Variants in ADGRB3 observed in about 807,000 individuals in gnomAD.
The protein encoded by ADGRB3 is brain-specific angiogenesis inhibitor 3.
ADGRB3 carries 37 observed loss-of-function variants against 193.4 expected under a neutral mutation model. That is an observed-to-expected ratio of 0.19 (90% CI 0.15 to 0.25). The LOEUF is 0.25. Ranked by LOEUF, ADGRB3 falls within the 10% of genes least tolerant of loss-of-function variation. ADGRB3 has a pLI of 1.00. For synonymous variants in ADGRB3, 690 were observed against 644.2 expected (o/e 1.07, Z -1.08); for missense variants, 1,637 against 1,852.9 (o/e 0.88, Z 2.14).
At chr6:69,204,625 G>A (rs1228193197) in intron 17 of ADGRB3, among the ~76,000 whole-genome samples, 1 of 152,132 alleles carries the variant, frequency 6.6e-6, no homozygotes, top group Non-Finnish European at 1.5e-5. Flanking sequence ...AATACATGAA[G>A]AGCTGGGTTC....
chr6:68,740,892 G>A (rs1311068937), intron 3 of ADGRB3, among the ~76,000 whole-genome samples: 1 of 152,152 alleles, frequency 6.6e-6, no homozygotes, highest in East Asian at 1.9e-4. Context: ...ATAGTTAAGT[G>A]TTGATAGGCC....
intron 17 of ADGRB3, among the ~76,000 whole-genome samples, chr6:69,122,469 A>T (rs1305282853): frequency 4.4e-5 from 1 of 22,778 alleles, no homozygotes; most frequent in Non-Finnish European, 8.0e-5. Context: ...GGAGAGGGAG[A>T]GGGGGAGGGG....
At chr6:69,148,903 G>A (rs1378260389) in intron 17 of ADGRB3, among the ~76,000 whole-genome samples, 1 of 152,132 alleles carries the variant, frequency 6.6e-6, no homozygotes, top group African/African-American at 2.4e-5. Context: ...TCTTTTGCCA[G>A]ACATATTGGA....
At chr6:69,162,240 T>C (rs1383176464) in intron 17 of ADGRB3, among the ~76,000 whole-genome samples, 1 of 152,154 alleles carries the variant, frequency 6.6e-6, no homozygotes, top group African/African-American at 2.4e-5. Flanking sequence ...TATCTTTAGA[T>C]AATTAAATTA....
intron 3 of ADGRB3, among the ~76,000 whole-genome samples, chr6:68,879,446 T>C (rs886120045): frequency 3.9e-5 from 6 of 152,144 alleles, no homozygotes; most frequent in Non-Finnish European, 8.8e-5. Flanking sequence ...GCCAGGATGG[T>C]TTCGATCTCC....
At chr6:69,111,637 G>A (rs1773368715) in intron 17 of ADGRB3, among the ~76,000 whole-genome samples, 1 of 152,286 alleles carries the variant, frequency 6.6e-6, no homozygotes, top group Non-Finnish European at 1.5e-5. Context: ...TAACATGTTT[G>A]TCTACTTTTT....
At chr6:68,677,521 CTTTTTTTTTTTT>C (rs1002070733) in intron 3 of ADGRB3, among the ~76,000 whole-genome samples, 2 of 120,336 alleles carry the variant, frequency 1.7e-5, no homozygotes, top group Non-Finnish European at 3.4e-5. Flanking sequence ...TTCTTTTTTT[CTTTTTTTTTTTT>C]TTTTTGACAG....
chr6:69,156,325 G>A (rs944705169), intron 17 of ADGRB3, among the ~76,000 whole-genome samples: 6 of 152,182 alleles, frequency 3.9e-5, no homozygotes, highest in African/African-American at 9.7e-5. Context: ...GTGTTAGACA[G>A]CATGGTTAGG....
At chr6:69,161,969 C>T (rs186902966) in intron 17 of ADGRB3, among the ~76,000 whole-genome samples, 3 of 152,170 alleles carry the variant, frequency 2.0e-5, no homozygotes, top group Admixed American at 6.5e-5. Context: ...TTGGAAGTTA[C>T]GTCCTATTAT....
intron 3 of ADGRB3, among the ~76,000 whole-genome samples, chr6:68,649,962 C>T (rs1254138539): frequency 6.6e-6 from 1 of 152,154 alleles, no homozygotes; most frequent in Non-Finnish European, 1.5e-5. Context: ...GCTCTGGGCA[C>T]TGAACTATCT....
At position 68,904,351 on chromosome 6, in the gene ADGRB3, T is replaced by A. The variant is rs577717745; in HGVS notation, c.758-26208T>A. 6.6e-5 allele frequency among the ~76,000 whole-genome samples: 10 copies of A among 152,248 alleles called. No homozygotes were observed. In the South Asian group the frequency reaches 2.1e-3, roughly 32 times the overall value. ...AATATTGCTAAGTGACATGAATTTT[T>A]CAGTTATAATCTTATGGGACCACTG... On this transcript the variant is annotated intron_variant, in intron 3 of 31. Transcript: ENST00000370598.
At chr6:68,689,046 C>T (rs1018394027) in intron 3 of ADGRB3, among the ~76,000 whole-genome samples, 1 of 151,920 alleles carries the variant, frequency 6.6e-6, no homozygotes, top group Non-Finnish European at 1.5e-5. Flanking sequence ...GGTGACTTAA[C>T]TCTGACCATA....
intron 17 of ADGRB3, among the ~76,000 whole-genome samples, chr6:69,152,627 T>G (rs888708819): frequency 6.6e-6 from 1 of 152,152 alleles, no homozygotes; most frequent in African/African-American, 2.4e-5. Context: ...AATTTTTAAA[T>G]CCACATGTGT....
chr6:69,160,526 C>G (rs1774954696), intron 17 of ADGRB3, among the ~76,000 whole-genome samples: 1 of 152,140 alleles, frequency 6.6e-6, no homozygotes, highest in Admixed American at 6.6e-5. Flanking sequence ...GCTGGCTTCC[C>G]TAACCATTGC....
intron 3 of ADGRB3, among the ~76,000 whole-genome samples, chr6:68,920,604 CTACGAGTGAG>C (rs1055337272): frequency 3.4e-5 from 5 of 148,070 alleles, no homozygotes; most frequent in Admixed American, 2.7e-4. Context: ...ACACTGGATA[CTACGAGTGAG>C]TAGAGAAGTA....
At chr6:68,892,179 T>C (rs2150229530) in intron 3 of ADGRB3, among the ~76,000 whole-genome samples, 1 of 149,536 alleles carries the variant, frequency 6.7e-6, no homozygotes, top group East Asian at 2.1e-4. Context: ...CACTCAGCCA[T>C]CAAGTGTCAT....
intron 3 of ADGRB3, among the ~76,000 whole-genome samples, chr6:68,906,252 A>G (rs186887464): frequency 7.8e-4 from 119 of 151,748 alleles, no homozygotes; most frequent in African/African-American, 2.4e-3. Flanking sequence ...GGTATATAGC[A>G]TATATATTGT....
At chr6:69,257,092 G>A (rs1273280303) in intron 20 of ADGRB3, among the ~76,000 whole-genome samples, 25 of 152,126 alleles carry the variant, frequency 1.6e-4, no homozygotes, top group Admixed American at 1.2e-3. Flanking sequence ...ATGTGCTGCT[G>A]GATTCGGTTT....
chr6:68,942,801 G>C (rs946386366), intron 5 of ADGRB3, among the ~76,000 whole-genome samples: 1 of 152,096 alleles, frequency 6.6e-6, no homozygotes, highest in Admixed American at 6.5e-5. Context: ...AGTAGAGATG[G>C]TGTTTCACTA....
Sources: gnomAD v4.1 joint callset for allele counts (sites outside exome capture counted in the v4.1 genomes callset) on GRCh38, gnomAD v4.1.1 for gene constraint, MANE v1.5 for transcripts, NCBI Gene and HGNC (gene_info 2026-07-23, HGNC 2026-07-21) for gene names.